The following NCOA5 variants were observed in gnomAD, a reference collection of about 807,000 sequenced individuals.
NCOA5 encodes NCoA-5.
Under a neutral mutation model 59.0 loss-of-function variants are expected in NCOA5, and 12 were observed. The ratio of observed to expected loss-of-function variants is 0.20; its 90% CI spans 0.13 to 0.33. The LOEUF is 0.33. NCOA5 is among the 10% of genes least tolerant of loss of function. The pLI is 1.00. For missense variants in NCOA5, 655 were observed against 766.6 expected (o/e 0.85, Z 1.72); for synonymous variants, 270 against 275.5 (o/e 0.98, Z 0.20).
intron 3 of NCOA5, 61 bp downstream of exon 3, chr20:46,070,149 T>C: frequency 7.3e-7 from 1 of 1,361,400 alleles, no homozygotes; most frequent in Non-Finnish European, 1.0e-6. Context: ...TTTCAATTAG[T>C]TTAGCAGAAC....
intron 1 of NCOA5, among the ~76,000 whole-genome samples, chr20:46,086,459 G>A (rs996754529): frequency 5.3e-4 from 81 of 152,032 alleles, no homozygotes; most frequent in Admixed American, 1.4e-3. Context: ...CATGCATGCT[G>A]GTATTATATA....
chr20:46,071,784 G>A (rs987776751), intron 2 of NCOA5, among the ~76,000 whole-genome samples: 4 of 152,108 alleles, frequency 2.6e-5, no homozygotes, highest in African/African-American at 9.7e-5. Context: ...AGGCAAGTTC[G>A]TGTCCCATGT....
chr20:46,067,150 T>A lies in NCOA5; in HGVS notation c.534A>T (p.Glu178Asp). Residue 178 changes from glutamate to aspartate, a missense_variant, in exon 5 of 8, where the codon GAA becomes GAT. By Grantham distance (45) the Glu-to-Asp change is conservative. Transcript: ENST00000290231. ...ERLKREERRR[E>D]ELYRQYFEEI... ...CCTCAAAATATTGACGATAAAGCTC[T>A]TCTCTACGCCGTTCCTCACGTTTCA... The A allele has an allele frequency of 6.2e-7, 1 of 1,614,186 alleles. No individual in the cohort carries two copies. Among genetic ancestry groups the A allele is most frequent in the Non-Finnish European group, 8.5e-7 (1 of 1,180,030 alleles).
Position 46,062,723 on chromosome 20 carries a change from G to A in NCOA5, c.1317C>T (p.Phe439=). 2 of 1,613,908 alleles carry A rather than the reference G, an allele frequency of 1.2e-6. No individual in the cohort carries two copies. Among genetic ancestry groups the A allele is most frequent in the Non-Finnish European group, 1.7e-6 (2 of 1,179,840 alleles). ...QELQAKILSL[F]NSGTVTANSS... is the part of the protein sequence containing the mutation. ...TATTGGCCGTCACTGTGCCACTATT[G>A]AAGAGGCTGAGGATTTTGGCCTGAA... is the stretch of plus-strand genomic sequence containing the variant. The change falls in exon 8 of 8, where the codon TTC becomes TTT. Residue 439 remains phenylalanine (F), a synonymous_variant. Transcript: ENST00000290231.
At chr20:46,085,211 G>A (rs1458613220) in intron 1 of NCOA5, among the ~76,000 whole-genome samples, 1 of 141,220 alleles carries the variant, frequency 7.1e-6, no homozygotes, top group Admixed American at 7.0e-5. Flanking sequence ...TTTTTTTTTT[G>A]AGATACTGTC....
At chr20:46,066,928 C>T in intron 5 of NCOA5, 127 bp downstream of exon 5, 1 of 1,092,114 alleles carries the variant, frequency 9.2e-7, no homozygotes, top group Non-Finnish European at 1.3e-6. Flanking sequence ...ACTGAAAGAA[C>T]CCTGGCTAAC....
intron 1 of NCOA5, among the ~76,000 whole-genome samples, chr20:46,083,907 G>A (rs1393461659): frequency 6.6e-6 from 1 of 152,222 alleles, no homozygotes; most frequent in Non-Finnish European, 1.5e-5. Flanking sequence ...TCAGGGATAA[G>A]AGAATGTTAT....
chr20:46,070,499 G>T lies in NCOA5; in HGVS notation c.76C>A (p.Arg26Ser). 1 of 1,614,018 alleles carries T rather than the reference G, an allele frequency of 6.2e-7. No individual in the cohort carries two copies. Residue 26 changes from arginine to serine, a missense_variant, in exon 3 of 8, where the codon CGT (arginine) becomes AGT (serine). This residue lies in a region of NCOA5 where 250 missense variants were observed against 260.1 expected (regional missense o/e 0.96). Coordinates refer to ENST00000290231, the MANE Select transcript of NCOA5 (RefSeq NM_020967.3). ...CTTCCTCGAATTGGGGATCGATCAC[G>T]CCTTGAATCTCGACTGTCTCCAAAG... ...YGFGDSRDSRRDRSPIRGSPR... is the reference protein window; with the variant it reads ...YGFGDSRDSRSDRSPIRGSPR...
rs1449470951 is a variant in NCOA5, at chr20:46,067,199, G to A, written c.503-18C>T. ...CAAACGCTCTGCAAAACACCACCAG[G>A]GTAAACTGAAATAAGGACTGGACCC... On this transcript the variant is annotated intron_variant, in intron 4 of 7. Coordinates refer to ENST00000290231, the MANE Select transcript of NCOA5 (RefSeq NM_020967.3). 1 of 1,608,440 alleles carries A rather than the reference G, an allele frequency of 6.2e-7. No individual in the cohort carries two copies. The highest frequency in any genetic ancestry group is 1.7e-5 in the Admixed American group (1 of 58,524).
chr20:46,068,025 G>A (rs1234541222), intron 4 of NCOA5, among the ~76,000 whole-genome samples: 1 of 151,810 alleles, frequency 6.6e-6, no homozygotes, highest in Non-Finnish European at 1.5e-5. Context: ...CAACATCCTA[G>A]GCTCCAGCGA....
intron 3 of NCOA5, among the ~76,000 whole-genome samples, chr20:46,068,995 T>TG (rs1173234748): frequency 6.6e-6 from 1 of 152,090 alleles, no homozygotes; most frequent in African/African-American, 2.4e-5. Context: ...TTAGTAGAGA[T>TG]GGAGTTTTGC....
intron 4 of NCOA5, 137 bp downstream of exon 4, chr20:46,068,365 C>T: frequency 1.2e-6 from 1 of 824,324 alleles, no homozygotes; most frequent in Non-Finnish European, 1.7e-6. Flanking sequence ...TAATAAGCTA[C>T]TTATATTTCT....
At chr20:46,067,246 T>C (rs906973792) in intron 4 of NCOA5, 65 bp from the exon 5 acceptor site, 9 of 1,562,798 alleles carry the variant, frequency 5.8e-6, no homozygotes, top group African/African-American at 4.1e-5. Context: ...CCTGAGCTAC[T>C]TGTAGGCAAA....
chr20:46,072,677 C>G (rs1015946081), intron 2 of NCOA5, among the ~76,000 whole-genome samples: 2 of 152,198 alleles, frequency 1.3e-5, no homozygotes, highest in African/African-American at 4.8e-5. Context: ...ACGTGAGTAG[C>G]AGGAAGAGAT....
At position 46,062,331 on chromosome 20, in the gene NCOA5, G is replaced by A. The variant is rs759538800; in HGVS notation, c.1709C>T (p.Ala570Val). The A allele has an allele frequency of 2.5e-6, 4 of 1,613,766 alleles. No homozygotes were observed. The African/African-American group carries it at 5.3e-5, about 22-fold the overall frequency. ...ATGCCTCTGGTAAGATCCCATGGGG[G>A]CCTGTGGCTGCCCCATCTGTGCTGT... ...QTTAQMGQPQAPMGSYQRHY is the reference protein window; with the variant it reads ...QTTAQMGQPQVPMGSYQRHY The change falls in exon 8 of 8, where the codon GCC becomes GTC. Residue 570 changes from alanine (A) to valine (V), a missense_variant. Physicochemically the swap from Ala to Val is moderately conservative, Grantham distance 64. Around this residue, in one of 3 missense-constraint regions of NCOA5, gnomAD observed 325 missense variants for 353.2 expected, o/e 0.92. Coordinates refer to ENST00000290231, the MANE Select transcript of NCOA5 (RefSeq NM_020967.3).
intron 2 of NCOA5, among the ~76,000 whole-genome samples, chr20:46,077,173 G>T (rs1483321945): frequency 6.6e-6 from 1 of 152,190 alleles, no homozygotes; most frequent in Non-Finnish European, 1.5e-5. Context: ...TCCTCCCAAA[G>T]TGCTGGGATC....
chr20:46,068,730 T>G, intron 3 of NCOA5, 92 bp from the exon 4 acceptor site: 1 of 1,280,660 alleles, frequency 7.8e-7, no homozygotes, highest in Non-Finnish European at 1.1e-6. Flanking sequence ...ACAAATGAGG[T>G]TTATATCTGG....
chr20:46,062,961 A>G (rs546527029), intron 7 of NCOA5, 72 bp from the exon 8 acceptor site: 1 of 1,275,828 alleles, frequency 7.8e-7, no homozygotes, highest in South Asian at 1.5e-5. Flanking sequence ...AGCCAAAGGA[A>G]GAACAACAAT....
At chr20:46,086,939 A>G (rs538136621) in intron 1 of NCOA5, among the ~76,000 whole-genome samples, 3 of 152,352 alleles carry the variant, frequency 2.0e-5, no homozygotes, top group East Asian at 3.9e-4. Context: ...GGACACCACT[A>G]TATCTCAACA....
Sources: gnomAD v4.1 joint callset for allele counts (sites outside exome capture counted in the v4.1 genomes callset) on GRCh38, gnomAD v4.1.1 for gene constraint, gnomAD v4.1.1 regional missense constraint, MANE v1.5 for transcripts, NCBI Gene and HGNC (gene_info 2026-07-23, HGNC 2026-07-21) for gene names.